The following POLR2B variants were observed in gnomAD, a reference collection of about 807,000 sequenced individuals.
The protein encoded by POLR2B is RNA polymerase II subunit B.
A neutral mutation model predicts 144.6 loss-of-function variants in POLR2B; 57 were observed. The ratio of observed to expected loss-of-function variants is 0.39; its 90% confidence interval spans 0.32 to 0.49. The LOEUF (loss-of-function observed/expected upper bound fraction) is 0.49, where lower values mean the gene tolerates loss of function less well. POLR2B is among the 20% of genes least tolerant of loss of function. The pLI is 0.83. For missense variants in POLR2B, 595 were observed against 1,467.4 expected (o/e 0.41, Z 9.71); for synonymous variants, 442 against 469.8 (o/e 0.94, Z 0.77).
chr4:56,980,707 A>G (rs1722131253), intron 1 of POLR2B, among the ~76,000 whole-genome samples: 2 of 152,196 alleles, frequency 1.3e-5, no homozygotes, highest in Admixed American at 1.3e-4. Context: ...AAAACAAGTT[A>G]AAGTGTCACG....
chr4:56,996,030 T>G (rs963981598), intron 6 of POLR2B, among the ~76,000 whole-genome samples: 1 of 152,102 alleles, frequency 6.6e-6, no homozygotes, highest in African/African-American at 2.4e-5. Flanking sequence ...GCAGGAATCA[T>G]TGGGTACCAG....
chr4:56,986,496 T>C lies in POLR2B; in HGVS notation c.92+70T>C, dbSNP rs369153312. ...TTTCCTGCTTATTCTTCTTGATAAA[T>C]AGCTCTTCTATATAAATATGCTACA... On this transcript the variant is annotated intron_variant, in intron 2 of 24. Coordinates refer to ENST00000314595, the MANE Select transcript of POLR2B (RefSeq NM_000938.3). 3.0e-5 allele frequency: 26 copies of C among 861,932 alleles called. No individual in the cohort carries two copies. The East Asian group carries it at 3.9e-4, about 13-fold the overall frequency. 53.4% of individuals were successfully genotyped at this position (861,932 alleles called of 1,614,324 possible).
At chr4:57,004,183 T>C (rs1042437707) in intron 7 of POLR2B, among the ~76,000 whole-genome samples, 1 of 151,744 alleles carries the variant, frequency 6.6e-6, no homozygotes, top group Admixed American at 6.6e-5. Flanking sequence ...CACGCAACCA[T>C]GCCCGGCTAA....
Position 57,023,570 on chromosome 4 carries a change from G to T in POLR2B, c.2756G>T (p.Cys919Phe), listed in dbSNP as rs1295292407. 6.2e-7 allele frequency: 1 copy of T among 1,613,812 alleles called. No homozygotes were observed. Among genetic ancestry groups the T allele is most frequent in the Non-Finnish European group, 8.5e-7 (1 of 1,179,870 alleles). ...VTLNQEGYKF[C>F]KIRVRSVRIP... ...CTCAATCAGGAAGGATATAAATTTTGTAAAATAAGGGTGAGTACAACTTTG... is the reference window on the plus strand; with the variant it reads ...CTCAATCAGGAAGGATATAAATTTTTTAAAATAAGGGTGAGTACAACTTTG... The change falls in exon 19 of 25, where the codon TGT becomes TTT. Residue 919 changes from cysteine to phenylalanine, a missense_variant. By Grantham distance (205) the Cys-to-Phe change is radical. Around this residue, in one of 9 missense-constraint regions of POLR2B, gnomAD observed 65 missense variants for 282.8 expected, o/e 0.23. Coordinates refer to ENST00000314595, the MANE Select transcript of POLR2B (RefSeq NM_000938.3). The surrounding 1 kb of genome is among the most constrained non-coding windows in gnomAD (Gnocchi z 4.3).
In POLR2B at chr4:57,005,239, C is replaced by T. The variant is rs200227095; in HGVS notation, c.901-7C>T. The T allele has an allele frequency of 2.7e-6, 4 of 1,480,650 alleles. No homozygotes were observed. Among genetic ancestry groups the T allele is most frequent in the Non-Finnish European group, 9.0e-7 (1 of 1,110,224 alleles). 91.7% of individuals were successfully genotyped at this position (1,480,650 alleles called of 1,614,324 possible). On this transcript the variant is annotated splice_polypyrimidine_tract_variant and splice_region_variant and intron_variant, in intron 7 of 24. Coordinates refer to ENST00000314595, the MANE Select transcript of POLR2B (RefSeq NM_000938.3). ...TGAAAATAACTTTTATTTAAATTGTCTGATAGGTTAAACCTTCTCTCGATG... is the reference window on the plus strand; with the variant it reads ...TGAAAATAACTTTTATTTAAATTGTTTGATAGGTTAAACCTTCTCTCGATG...
chr4:56,999,403 TC>T (rs918395421), intron 6 of POLR2B, among the ~76,000 whole-genome samples: 2 of 151,968 alleles, frequency 1.3e-5, no homozygotes, highest in African/African-American at 4.8e-5. Context: ...GGAAGTTGTC[TC>T]AGGTCTAAGT....
chr4:57,004,352 C>CT lies in POLR2B; in HGVS notation c.901-875dup, dbSNP rs34205751. ...GCATGAGCCTCCATTCCCAGCAAATCTTTTTTTTTTTTTTTTTTTACATCC... is the reference window on the plus strand; with the variant it reads ...GCATGAGCCTCCATTCCCAGCAAATCTTTTTTTTTTTTTTTTTTTTACATCC... On this transcript the variant is annotated intron_variant, in intron 7 of 24. Coordinates refer to ENST00000314595, the MANE Select transcript of POLR2B (RefSeq NM_000938.3). Among the ~76,000 whole-genome samples, 379 of 140,628 alleles carry CT rather than the reference C, an allele frequency of 2.7e-3. 5 individuals are homozygous for CT. The highest frequency in any genetic ancestry group is 4.0e-3 in the Non-Finnish European group (263 of 65,422). The allele number at this position is 140,628 out of a possible 152,430, so 92.3% of individuals were successfully genotyped here.
chr4:56,979,461 G>T, intron 1 of POLR2B, among the ~76,000 whole-genome samples: 1 of 144,666 alleles, frequency 6.9e-6, no homozygotes, highest in African/African-American at 2.5e-5. Context: ...GGGTGGCGGG[G>T]GGGACTCGGT....
intron 1 of POLR2B, among the ~76,000 whole-genome samples, chr4:56,984,943 A>G (rs1722271637): frequency 6.6e-6 from 1 of 152,166 alleles, no homozygotes; most frequent in South Asian, 2.1e-4. Context: ...TTATTTTGTT[A>G]TGTTCATGGA....
At chr4:57,029,745 G>A (rs765722051) in intron 23 of POLR2B, among the ~76,000 whole-genome samples, 3 of 152,066 alleles carry the variant, frequency 2.0e-5, no homozygotes, top group Non-Finnish European at 2.9e-5. Flanking sequence ...CATTTTTTTA[G>A]TATAGAGTTG....
Position 57,020,990 on chromosome 4 carries a change from C to G in POLR2B, c.2415C>G (p.Phe805Leu), listed in dbSNP as rs1022170258. The change falls in exon 17 of 25, where the codon TTC becomes TTG. Residue 805 changes from phenylalanine to leucine, a missense_variant. Transcript: ENST00000314595. ...IMNRSAVDRG[F>L]FRSVFYRSYK... ...ATCGTTCAGCTGTAGACCGCGGCTT[C>G]TTCAGGTTAGTATTTTGTAAATTTG... The G allele has an allele frequency of 6.4e-7, 1 of 1,554,364 alleles. No homozygotes were observed. Among genetic ancestry groups the G allele is most frequent in the African/African-American group, 1.4e-5 (1 of 73,692 alleles).
Position 57,022,199 on chromosome 4 carries a change from T to G in POLR2B, c.2468T>G (p.Phe823Cys). Residue 823 changes from phenylalanine to cysteine, a missense_variant, in exon 18 of 25, where the codon TTT (phenylalanine) becomes TGT (cysteine). Physicochemically the swap from Phe to Cys is radical, Grantham distance 205. Coordinates refer to ENST00000314595, the MANE Select transcript of POLR2B (RefSeq NM_000938.3). The part of the protein sequence containing the change: ...SYKEQESKKG[F>C]DQEEVFEKPT... The stretch of plus-strand genomic sequence containing the variant: ...AAAGAACAGGAGTCTAAAAAAGGAT[T>G]TGATCAAGAAGAAGTTTTTGAGAAG... The G allele has an allele frequency of 6.2e-7, 1 of 1,612,958 alleles. No individual in the cohort carries two copies. Among genetic ancestry groups the G allele is most frequent in the South Asian group, 1.1e-5 (1 of 91,006 alleles).
At chr4:56,990,939 T>G (rs775543452) in intron 3 of POLR2B, 41 bp downstream of exon 3, 1 of 1,547,770 alleles carries the variant, frequency 6.5e-7, no homozygotes, top group Admixed American at 2.1e-5. Context: ...AAGAAGCGTA[T>G]TGGTTTGAAA....
chr4:56,985,002 G>A (rs1214120623), intron 1 of POLR2B, among the ~76,000 whole-genome samples: 1 of 152,196 alleles, frequency 6.6e-6, no homozygotes, highest in Non-Finnish European at 1.5e-5. Flanking sequence ...TGACTTGCCT[G>A]TGTTCCACCG....
Position 56,994,847 on chromosome 4 carries a change from TTA to T in POLR2B, c.559_560del (p.Ile187Ter), listed in dbSNP as rs776082383. The T allele has an allele frequency of 6.3e-7, 1 of 1,591,852 alleles. No individual in the cohort carries two copies. The highest frequency in any genetic ancestry group is 8.6e-7 in the Non-Finnish European group (1 of 1,160,778). On this transcript the variant is annotated frameshift_variant, in exon 5 of 25. Coordinates refer to ENST00000314595, the MANE Select transcript of POLR2B (RefSeq NM_000938.3). LOFTEE classifies it high-confidence loss of function. The stretch of plus-strand genomic sequence containing the variant: ...CCTTTGGATCCTGGTGGCTATTTCA[TTA>T]TTAATGGATCAGAAAAGGTATAGTA...
At chr4:57,004,593 G>A (rs1331038699) in intron 7 of POLR2B, among the ~76,000 whole-genome samples, 2 of 152,104 alleles carry the variant, frequency 1.3e-5, no homozygotes, top group Non-Finnish European at 2.9e-5. Context: ...TTGTAGTTCA[G>A]TAAATTTTAA....
Position 57,010,391 on chromosome 4 carries a change from C to G in POLR2B, c.1435C>G (p.Leu479Val). ...AAACCGCCTGACTTTTGCGTCTACT[C>G]TTTCTCACCTGCGTCGTTTAAATTC... is the stretch of plus-strand genomic sequence containing the variant. ...VLNRLTFASTLSHLRRLNSPI... is the reference protein window; with the variant it reads ...VLNRLTFASTVSHLRRLNSPI... The change falls in exon 11 of 25, where the codon CTT (leucine) becomes GTT (valine). Residue 479 changes from leucine (L) to valine (V), a missense_variant. Coordinates refer to ENST00000314595, the MANE Select transcript of POLR2B (RefSeq NM_000938.3). The G allele has an allele frequency of 6.2e-7, 1 of 1,613,986 alleles. No individual in the cohort carries two copies. The highest frequency in any genetic ancestry group is 8.5e-7 in the Non-Finnish European group (1 of 1,179,956).
At chr4:57,019,951 A>C (rs559181844) in intron 16 of POLR2B, among the ~76,000 whole-genome samples, 2 of 152,270 alleles carry the variant, frequency 1.3e-5, no homozygotes, top group Non-Finnish European at 2.9e-5. Context: ...TGAAGAGTTC[A>C]GGAAAGTTAT....
intron 5 of POLR2B, 112 bp from the exon 6 acceptor site, chr4:56,995,139 A>G (rs553947418): frequency 2.6e-6 from 2 of 779,782 alleles, no homozygotes; most frequent in South Asian, 4.0e-5. Flanking sequence ...GAAGAATTAA[A>G]TATTTCAGTG....
Sources: allele counts gnomAD v4.1 joint callset (sites outside exome capture counted in the v4.1 genomes callset), GRCh38; gene constraint gnomAD v4.1.1; regional missense constraint gnomAD v4.1.1; non-coding constraint Gnocchi (gnomAD v3.1); transcripts MANE v1.5; gene names NCBI Gene and HGNC (gene_info 2026-07-23, HGNC 2026-07-21).